SPATA16: variants seen among roughly 807,000 people sequenced by gnomAD.
SPATA16 encodes spermatogenesis-associated protein 16.
Under a neutral mutation model 63.3 loss-of-function variants are expected in SPATA16, and 36 were observed. That is an observed-to-expected ratio of 0.57 (90% CI 0.44 to 0.75). The LOEUF (loss-of-function observed/expected upper bound fraction) is 0.75, where lower values mean the gene tolerates loss of function less well. Among genes scored for constraint, SPATA16 ranks in the 30% least tolerant of loss-of-function variants. SPATA16 has a pLI of 0.00. For synonymous variants in SPATA16, 203 were observed against 216.7 expected (o/e 0.94, Z 0.56); for missense variants, 646 against 679.3 (o/e 0.95, Z 0.54).
intron 3 of SPATA16, among the ~76,000 whole-genome samples, chr3:173,047,238 A>C (rs1199644916): frequency 6.6e-6 from 1 of 151,174 alleles, no homozygotes; most frequent in Non-Finnish European, 1.5e-5. Context: ...TGTTTACCAG[A>C]GACTGTTACT....
chr3:173,029,594 T>C (rs573803694), intron 3 of SPATA16, among the ~76,000 whole-genome samples: 4 of 152,066 alleles, frequency 2.6e-5, no homozygotes, highest in Admixed American at 1.3e-4. Flanking sequence ...AGGTTGCCTA[T>C]CTTTTGCTCT....
intron 5 of SPATA16, among the ~76,000 whole-genome samples, chr3:172,957,404 A>G (rs1449773200): frequency 6.6e-6 from 1 of 152,140 alleles, no homozygotes; most frequent in Non-Finnish European, 1.5e-5. Flanking sequence ...TGGCTATTTA[A>G]GAATTTCTTT....
At chr3:173,040,575 A>G (rs1165544320) in intron 3 of SPATA16, among the ~76,000 whole-genome samples, 1 of 152,186 alleles carries the variant, frequency 6.6e-6, no homozygotes, top group African/African-American at 2.4e-5. Context: ...TCTGAGTTCT[A>G]TGAGTTCAAA....
At chr3:173,035,444 A>T (rs1189406952) in intron 3 of SPATA16, among the ~76,000 whole-genome samples, 1 of 152,088 alleles carries the variant, frequency 6.6e-6, no homozygotes, top group Non-Finnish European at 1.5e-5. Flanking sequence ...TGACTTGGTG[A>T]TAGAGGATGA....
At chr3:172,981,465 C>G (rs977207259) in intron 4 of SPATA16, among the ~76,000 whole-genome samples, 2 of 152,170 alleles carry the variant, frequency 1.3e-5, no homozygotes, top group Non-Finnish European at 2.9e-5. Flanking sequence ...CAACTACCTT[C>G]TTAGCTCACT....
chr3:173,094,677 G>GT (rs57224552), intron 2 of SPATA16, among the ~76,000 whole-genome samples: 1,497 of 115,516 alleles, frequency 0.013, 22 homozygotes, highest in African/African-American at 0.028. Flanking sequence ...TATGGGAGTT[G>GT]TTTTTTTTTT....
At chr3:172,990,436 GA>G (rs940067212) in intron 4 of SPATA16, among the ~76,000 whole-genome samples, 2 of 152,104 alleles carry the variant, frequency 1.3e-5, no homozygotes, top group Non-Finnish European at 2.9e-5. Flanking sequence ...TATTCCTCCA[GA>G]AAAAAATTTG....
At chr3:172,918,188 A>T (rs1406769863) in intron 8 of SPATA16, among the ~76,000 whole-genome samples, 1 of 152,222 alleles carries the variant, frequency 6.6e-6, no homozygotes, top group Non-Finnish European at 1.5e-5. Context: ...AGCAAGTTGG[A>T]GGAGAAACGG....
At position 173,140,993 on chromosome 3, in the gene SPATA16, G is replaced by GA. The variant is rs1486802433; in HGVS notation, c.-19+109_-19+110insT. ...CGTGGGCAGGAAGAAAGGAGCTCCTGTTTTCCCAGCTTACTCCATCTTCAC... is the reference window on the plus strand; with the variant it reads ...CGTGGGCAGGAAGAAAGGAGCTCCTGATTTTCCCAGCTTACTCCATCTTCAC... On this transcript the variant is annotated intron_variant, in intron 1 of 10. Transcript: ENST00000351008. The GA allele has an allele frequency of 4.8e-4, 73 of 152,364 alleles. 1 individual carries two copies. Among genetic ancestry groups the GA allele is most frequent in the Middle Eastern group, 3.4e-3 (1 of 294 alleles). 9.4% of individuals were successfully genotyped at this position (152,364 alleles called of 1,614,324 possible).
intron 1 of SPATA16, among the ~76,000 whole-genome samples, chr3:173,127,732 G>A (rs1251685886): frequency 6.6e-6 from 1 of 152,326 alleles, no homozygotes; most frequent in East Asian, 1.9e-4. Flanking sequence ...CTTTTCTTTG[G>A]TGATGTCAAT....
chr3:172,891,447 G>A (rs533080453), intron 10 of SPATA16, among the ~76,000 whole-genome samples: 8 of 152,298 alleles, frequency 5.3e-5, no homozygotes, highest in Non-Finnish European at 7.4e-5. Flanking sequence ...TACTATGTGC[G>A]TGCTGTATCT....
intron 2 of SPATA16, among the ~76,000 whole-genome samples, chr3:173,049,506 A>G (rs1223049641): frequency 6.6e-6 from 1 of 152,204 alleles, no homozygotes; most frequent in African/African-American, 2.4e-5. Context: ...CAGTGCTTTT[A>G]TGAAAACCCA....
At chr3:173,022,353 G>A (rs898100038) in intron 3 of SPATA16, among the ~76,000 whole-genome samples, 1 of 152,068 alleles carries the variant, frequency 6.6e-6, no homozygotes, top group Non-Finnish European at 1.5e-5. Flanking sequence ...GGGACCGAAG[G>A]AAGACACAGA....
chr3:172,997,121 A>G (rs939039402), intron 4 of SPATA16, among the ~76,000 whole-genome samples: 1 of 152,180 alleles, frequency 6.6e-6, no homozygotes, highest in African/African-American at 2.4e-5. Context: ...GTGTGGACAT[A>G]GTTTTCAACT....
At chr3:173,041,136 A>G (rs1053260789) in intron 3 of SPATA16, among the ~76,000 whole-genome samples, 1 of 152,162 alleles carries the variant, frequency 6.6e-6, no homozygotes, top group African/African-American at 2.4e-5. Context: ...CTAATGATCC[A>G]TATAGCATTT....
intron 1 of SPATA16, among the ~76,000 whole-genome samples, chr3:173,121,066 G>A (rs942208839): frequency 2.0e-5 from 3 of 152,190 alleles, no homozygotes; most frequent in African/African-American, 4.8e-5. Context: ...ACTAATTCAG[G>A]TTCCCTCCCA....
intron 10 of SPATA16, among the ~76,000 whole-genome samples, chr3:172,896,457 G>C (rs571130936): frequency 1.3e-5 from 2 of 152,222 alleles, no homozygotes; most frequent in African/African-American, 4.8e-5. Flanking sequence ...TCCTGACTTC[G>C]TGATCCGCCT....
chr3:173,064,836 C>T (rs1736477126), intron 2 of SPATA16, among the ~76,000 whole-genome samples: 1 of 152,088 alleles, frequency 6.6e-6, no homozygotes, highest in African/African-American at 2.4e-5. Flanking sequence ...AATGTGATGA[C>T]TTGGCAGGAA....
intron 4 of SPATA16, among the ~76,000 whole-genome samples, chr3:172,982,080 C>A (rs1030637417): frequency 6.6e-6 from 1 of 152,152 alleles, no homozygotes; most frequent in African/African-American, 2.4e-5. Context: ...ATGGTAGTCA[C>A]ACAATAAATA....
Sources: gnomAD v4.1 joint callset for allele counts (sites outside exome capture counted in the v4.1 genomes callset) on GRCh38, gnomAD v4.1.1 for gene constraint, MANE v1.5 for transcripts, NCBI Gene and HGNC (gene_info 2026-07-23, HGNC 2026-07-21) for gene names.